KCTD1: variants seen among roughly 807,000 people sequenced by gnomAD.
KCTD1 encodes the protein potassium channel tetramerization domain containing 1.
A neutral mutation model predicts 66.0 loss-of-function variants in KCTD1; 24 were observed. The ratio of observed to expected loss-of-function variants is 0.36; its 90% CI spans 0.26 to 0.51. The LOEUF is 0.51. Among genes scored for constraint, KCTD1 ranks in the 20% least tolerant of loss-of-function variants. The pLI, the probability that KCTD1 is intolerant of heterozygous loss-of-function variation, is 0.95. For synonymous variants in KCTD1, 511 were observed against 517.2 expected, an observed-to-expected ratio of 0.99 and a Z score of 0.16; for missense variants, 943 against 1,205.2, an observed-to-expected ratio of 0.78 and a Z score of 3.22.
chr18:26,532,270 T>C (rs201387667), intron 1 of KCTD1, among the ~76,000 whole-genome samples: 14,692 of 65,836 alleles, frequency 0.22, 918 homozygotes, highest in East Asian at 0.5. Flanking sequence ...TCTTTTTTTT[T>C]TTTTTTTTTT....
chr18:26,613,761 A>C (rs909262331), intron 1 of KCTD1, among the ~76,000 whole-genome samples: 11 of 152,224 alleles, frequency 7.2e-5, no homozygotes, highest in African/African-American at 2.7e-4. Flanking sequence ...TCATTTGACC[A>C]AACTGCTGAC....
chr18:26,652,862 A>C (rs1041539904), intron 1 of KCTD1, among the ~76,000 whole-genome samples: 1 of 152,168 alleles, frequency 6.6e-6, no homozygotes. Flanking sequence ...TACAAAATCC[A>C]CCCAGGCTTC....
chr18:26,478,417 A>C (rs1002487856), intron 2 of KCTD1, among the ~76,000 whole-genome samples: 5 of 152,234 alleles, frequency 3.3e-5, no homozygotes, highest in Non-Finnish European at 7.3e-5. Flanking sequence ...ATCGAATGAA[A>C]GCTTATGGTC....
chr18:26,508,773 T>G (rs1187673918), intron 1 of KCTD1, among the ~76,000 whole-genome samples: 1 of 151,966 alleles, frequency 6.6e-6, no homozygotes, highest in African/African-American at 2.4e-5. Context: ...TATGGCATAC[T>G]TGGATATGGG....
intron 1 of KCTD1, among the ~76,000 whole-genome samples, chr18:26,621,799 A>G (rs570111918): frequency 1.3e-5 from 2 of 152,328 alleles, no homozygotes; most frequent in African/African-American, 2.4e-5. Context: ...CATTCCAGAA[A>G]ACACATTTTT....
At chr18:26,580,497 C>T (rs547734617) in intron 1 of KCTD1, among the ~76,000 whole-genome samples, 69 of 152,288 alleles carry the variant, frequency 4.5e-4, no homozygotes, top group Middle Eastern at 3.4e-3. Context: ...GCTGAGAGCA[C>T]ACTCTCAGCC....
At chr18:26,522,193 G>A (rs1983945340) in intron 1 of KCTD1, among the ~76,000 whole-genome samples, 1 of 152,186 alleles carries the variant, frequency 6.6e-6, no homozygotes, top group Non-Finnish European at 1.5e-5. Flanking sequence ...TGCTGCAGAA[G>A]TAATCAGTTA....
intron 1 of KCTD1, among the ~76,000 whole-genome samples, chr18:26,593,924 TGAG>T (rs1391005511): frequency 6.8e-6 from 1 of 147,588 alleles, no homozygotes; most frequent in Non-Finnish European, 1.5e-5. Context: ...AGGAGGAAGA[TGAG>T]GAGGAGAAAG....
intron 1 of KCTD1, among the ~76,000 whole-genome samples, chr18:26,627,851 C>T (rs16942494): frequency 0.02 from 3,083 of 152,298 alleles, 93 homozygotes; most frequent in African/African-American, 0.07. Flanking sequence ...GAAGCCATGA[C>T]TGTACCTAGT....
At chr18:26,588,431 T>G (rs1374064336) in intron 1 of KCTD1, among the ~76,000 whole-genome samples, 1 of 152,206 alleles carries the variant, frequency 6.6e-6, no homozygotes, top group Non-Finnish European at 1.5e-5. Context: ...CAGTGAGAAC[T>G]TCTGGAATAC....
At chr18:26,626,153 CCAAAAAAAAAAA>C (rs956728146) in intron 1 of KCTD1, among the ~76,000 whole-genome samples, 39 of 138,040 alleles carry the variant, frequency 2.8e-4, no homozygotes, top group African/African-American at 9.1e-4. Flanking sequence ...GTTTCATGAG[CCAAAAAAAAAAA>C]CAAAAAAAAA....
intron 1 of KCTD1, among the ~76,000 whole-genome samples, chr18:26,539,039 A>G (rs1322864155): frequency 6.6e-6 from 1 of 152,210 alleles, no homozygotes; most frequent in Non-Finnish European, 1.5e-5. Context: ...TGTTCCAGAA[A>G]GCATCACAGG....
intron 1 of KCTD1, among the ~76,000 whole-genome samples, chr18:26,601,433 T>C (rs754960648): frequency 1.8e-4 from 27 of 151,950 alleles, no homozygotes; most frequent in Non-Finnish European, 3.4e-4. Context: ...ACTATCCTTA[T>C]GTCAGCATCA....
At chr18:26,509,388 T>C (rs544163547) in intron 1 of KCTD1, among the ~76,000 whole-genome samples, 1,705 of 152,126 alleles carry the variant, frequency 0.011, 31 homozygotes, top group African/African-American at 0.039. Flanking sequence ...AAGAATATAA[T>C]AAAATTTTTT....
At chr18:26,461,065 G>A (rs1275752646) in intron 3 of KCTD1, among the ~76,000 whole-genome samples, 4 of 152,260 alleles carry the variant, frequency 2.6e-5, no homozygotes, top group Non-Finnish European at 5.9e-5. Context: ...TTGCAAACAT[G>A]TGGTCCGAGT....
chr18:26,625,095 C>T (rs536507232), intron 1 of KCTD1, among the ~76,000 whole-genome samples: 10 of 152,242 alleles, frequency 6.6e-5, no homozygotes, highest in African/African-American at 2.4e-4. Flanking sequence ...TGCCTGTACC[C>T]TCATTGTATC....
In KCTD1 at chr18:26,637,847, G is replaced by A. The variant is rs1353002231; in HGVS notation, c.-107+2464C>T. Among the ~76,000 whole-genome samples the A allele has an allele frequency of 2.0e-5, 3 of 152,192 alleles. No homozygotes were observed. In the East Asian group the frequency reaches 5.8e-4, roughly 29 times the overall value. On this transcript the variant is annotated intron_variant, in intron 1 of 5. Transcript: ENST00000579973. ...CCTCAGTTTTCTCATCTGAAGAGTGGAGACAATAATGCTTTCCTCAAAGGT... is the reference window on the plus strand; with the variant it reads ...CCTCAGTTTTCTCATCTGAAGAGTGAAGACAATAATGCTTTCCTCAAAGGT...
At chr18:26,643,631 T>C (rs927308245), upstream of KCTD1, among the ~76,000 whole-genome samples, 5 of 152,112 alleles carry the variant, frequency 3.3e-5, no homozygotes, top group Admixed American at 6.5e-5. Flanking sequence ...CCGTGGGGAA[T>C]GAAATAAGAA....
In KCTD1 at chr18:26,492,215, C is replaced by T. The variant is rs114494924; in HGVS notation, c.1988+8857G>A. On this transcript the variant is annotated intron_variant, in intron 2 of 4. Transcript: ENST00000580059. The stretch of plus-strand genomic sequence containing the variant: ...TGTGACTGCACCACTGTACTCCAGC[C>T]GGGGCAATAGAGTGAGACCCTATCT... Among the ~76,000 whole-genome samples the T allele has an allele frequency of 6.0e-3, 913 of 151,986 alleles. 10 individuals carry two copies. The highest frequency in any genetic ancestry group is 0.021 in the African/African-American group (869 of 41,408).
Sources: gnomAD v4.1 joint callset for allele counts (sites outside exome capture counted in the v4.1 genomes callset) on GRCh38, gnomAD v4.1.1 for gene constraint, MANE v1.5 for transcripts, NCBI Gene and HGNC (gene_info 2026-07-23, HGNC 2026-07-21) for gene names.